Variants in SLC5A3 observed in about 807,000 individuals in gnomAD.
The protein encoded by SLC5A3 is sodium/myo-inositol cotransporter.
Under a neutral mutation model 43.2 loss-of-function variants are expected in SLC5A3, and 10 were observed. That is an observed-to-expected ratio of 0.23 (90% CI 0.14 to 0.39). The LOEUF is 0.39. Among genes scored for constraint, SLC5A3 ranks in the 10% least tolerant of loss-of-function variants. The probability of loss-of-function intolerance (pLI) is 1.00; values close to 1 mark genes in which losing one functional copy is unlikely to be tolerated. For missense variants in SLC5A3, 608 were observed against 893.4 expected (o/e 0.68, Z 4.07); for synonymous variants, 349 against 322.0 (o/e 1.08, Z -0.90).
chr21:34,084,193 A>G (rs1182806885), intron 1 of SLC5A3, among the ~76,000 whole-genome samples: 1 of 152,220 alleles, frequency 6.6e-6, no homozygotes, highest in Non-Finnish European at 1.5e-5. Flanking sequence ...TTCCAACTGA[A>G]AAGTATCTTT....
Position 34,097,819 on chromosome 21 carries a change from A to G in SLC5A3, c.*464A>G, listed in dbSNP as rs1219671638. ...TTAGACATTGTACAATCAGTTATGT[A>G]CTGAAAATCGAATGTGCTTGTGTGA... On this transcript the variant is annotated 3_prime_UTR_variant, in exon 2 of 2. Coordinates refer to ENST00000381151, the MANE Select transcript of SLC5A3 (RefSeq NM_006933.7). 7 of 999,016 alleles carry G rather than the reference A, an allele frequency of 7.0e-6. No homozygotes were observed. The highest frequency in any genetic ancestry group is 8.4e-6 in the Non-Finnish European group (7 of 828,764). 61.9% of individuals were successfully genotyped at this position (999,016 alleles called of 1,614,324 possible). A position where few individuals can be genotyped will look rare whatever the true frequency, so the allele number is the denominator to read the frequency against.
Position 34,102,508 on chromosome 21 carries a change from CA to C in SLC5A3, c.*5158del. On this transcript the variant is annotated 3_prime_UTR_variant, in exon 2 of 2. Transcript: ENST00000381151. ...ATATAGTCTTTCACTCAGAAATAAA[CA>C]AAAACTGTTTGGTATATCTGTATCA... 1.0e-6 allele frequency: 1 copy of C among 1,000,112 alleles called. No homozygotes were observed. Among genetic ancestry groups the C allele is most frequent in the Non-Finnish European group, 1.2e-6 (1 of 829,864 alleles). The allele number at this position is 1,000,112 out of a possible 1,614,324, so 62.0% of individuals were successfully genotyped here.
In SLC5A3 at chr21:34,105,237, A is replaced by G. The variant is rs960970776; in HGVS notation, c.*7882A>G. On this transcript the variant is annotated 3_prime_UTR_variant, in exon 2 of 2. Transcript: ENST00000381151. ...GGATTTACCCGTTCTTTGCTTGGAC[A>G]TCCCATTTTCTTTTGTCCAGACCCA... is the stretch of plus-strand genomic sequence containing the variant. 8.0e-6 allele frequency: 8 copies of G among 1,000,258 alleles called. No homozygotes were observed. The highest frequency in any genetic ancestry group is 9.6e-6 in the Non-Finnish European group (8 of 829,974). The allele number at this position is 1,000,258 out of a possible 1,614,324, so 62.0% of individuals were successfully genotyped here. A position where few individuals can be genotyped will look rare whatever the true frequency, so the allele number is the denominator to read the frequency against.
At chr21:34,081,190 C>T (rs1012982191) in intron 1 of SLC5A3, among the ~76,000 whole-genome samples, 6 of 152,054 alleles carry the variant, frequency 3.9e-5, no homozygotes, top group African/African-American at 1.2e-4. Context: ...AAACTTTCCA[C>T]TTTAATGAAG....
At position 34,100,872 on chromosome 21, in the gene SLC5A3, A is replaced by AGCTACTCAGTTACTT. The variant is rs1273629708; in HGVS notation, c.*3526_*3540dup. ...TTACCACCAAATAAAGCGGCTTATT[A>AGCTACTCAGTTACTT]GCTACTCAGTTACTTGCTACTCAAA... is the stretch of plus-strand genomic sequence containing the variant. On this transcript the variant is annotated 3_prime_UTR_variant, in exon 2 of 2. Transcript: ENST00000381151. The AGCTACTCAGTTACTT allele has an allele frequency of 1.0e-6, 1 of 1,000,020 alleles. No homozygotes were observed. The highest frequency in any genetic ancestry group is 1.2e-6 in the Non-Finnish European group (1 of 829,930). The allele number at this position is 1,000,020 out of a possible 1,614,324, so 61.9% of individuals were successfully genotyped here. A position where few individuals can be genotyped will look rare whatever the true frequency, so the allele number is the denominator to read the frequency against.
Position 34,100,972 on chromosome 21 carries a change from T to C in SLC5A3, c.*3617T>C. 1.0e-6 allele frequency: 1 copy of C among 1,000,046 alleles called. No individual in the cohort carries two copies. The highest frequency in any genetic ancestry group is 1.2e-6 in the Non-Finnish European group (1 of 829,816). The allele number at this position is 1,000,046 out of a possible 1,614,324, so 61.9% of individuals were successfully genotyped here. A position where few individuals can be genotyped will look rare whatever the true frequency, so the allele number is the denominator to read the frequency against. ...AACTTATGATGATTCTCCTGGCTCATTTTCATCAGAGGCATGATGACTGGA... is the reference window on the plus strand; with the variant it reads ...AACTTATGATGATTCTCCTGGCTCACTTTCATCAGAGGCATGATGACTGGA... On this transcript the variant is annotated 3_prime_UTR_variant, in exon 2 of 2. Coordinates refer to ENST00000381151, the MANE Select transcript of SLC5A3 (RefSeq NM_006933.7).
intron 1 of SLC5A3, among the ~76,000 whole-genome samples, chr21:34,078,668 A>G (rs1310515476): frequency 6.6e-6 from 1 of 152,188 alleles, no homozygotes; most frequent in African/African-American, 2.4e-5. Context: ...TTTTTCATCT[A>G]GTGCCTTTGC....
In SLC5A3 at chr21:34,097,541, C is replaced by G. The variant is rs1979023436; in HGVS notation, c.*186C>G. 7.2e-7 allele frequency: 1 copy of G among 1,381,302 alleles called. No homozygotes were observed. Among genetic ancestry groups the G allele is most frequent in the African/African-American group, 1.5e-5 (1 of 67,928 alleles). The allele number at this position is 1,381,302 out of a possible 1,614,324, so 85.6% of individuals were successfully genotyped here. ...GAGATGGATTAAAGTAAATCTTCAACTTAAGTGAAGCCAAACCTAACAGAC... is the reference window on the plus strand; with the variant it reads ...GAGATGGATTAAAGTAAATCTTCAAGTTAAGTGAAGCCAAACCTAACAGAC... On this transcript the variant is annotated 3_prime_UTR_variant, in exon 2 of 2. Coordinates refer to ENST00000381151, the MANE Select transcript of SLC5A3 (RefSeq NM_006933.7).
At chr21:34,079,475 G>A (rs1174980432) in intron 1 of SLC5A3, among the ~76,000 whole-genome samples, 1 of 151,742 alleles carries the variant, frequency 6.6e-6, no homozygotes, top group Non-Finnish European at 1.5e-5. Flanking sequence ...TTGCTGTGTT[G>A]CCTAGGCTGG....
rs1602931930 is a variant in SLC5A3 at position 34,097,720 on chromosome 21, TAGA to T, written c.*369_*371del. The stretch of plus-strand genomic sequence containing the variant: ...AGTCTTGGCAGACCTTACCCTGAAG[TAGA>T]AGATTTGCTCATTTCTAAATTTTTT... On this transcript the variant is annotated 3_prime_UTR_variant, in exon 2 of 2. Coordinates refer to ENST00000381151, the MANE Select transcript of SLC5A3 (RefSeq NM_006933.7). 9.9e-7 allele frequency: 1 copy of T among 1,009,906 alleles called. No homozygotes were observed. Among genetic ancestry groups the T allele is most frequent in the East Asian group, 1.1e-4 (1 of 9,204 alleles). The allele number at this position is 1,009,906 out of a possible 1,614,324, so 62.6% of individuals were successfully genotyped here.
chr21:34,100,109 A>G lies in SLC5A3; in HGVS notation c.*2754A>G. 3.0e-6 allele frequency: 3 copies of G among 999,022 alleles called. No individual in the cohort carries two copies. 61.9% of individuals were successfully genotyped at this position (999,022 alleles called of 1,614,324 possible). A position where few individuals can be genotyped will look rare whatever the true frequency, so the allele number is the denominator to read the frequency against. On this transcript the variant is annotated 3_prime_UTR_variant, in exon 2 of 2. Transcript: ENST00000381151. ...TTTATATTAGCTCAAGCTAAGGTTC[A>G]GAATTGAAGCTTGATATTGACTAGA...
rs565904157 is a variant in SLC5A3, at chr21:34,104,260, C to G, written c.*6905C>G. The G allele has an allele frequency of 5.0e-6, 5 of 1,000,090 alleles. No individual in the cohort carries two copies. In the South Asian group the frequency reaches 1.9e-4, roughly 38 times the overall value. The allele number at this position is 1,000,090 out of a possible 1,614,324, so 62.0% of individuals were successfully genotyped here. A position where few individuals can be genotyped will look rare whatever the true frequency, so the allele number is the denominator to read the frequency against. Reference sequence around the variant, plus strand: ...TTTTCACAATGGGGTGGAGAGGATTCTTTCACTTGTCCCATTAACCCTCTT... The same window carrying G: ...TTTTCACAATGGGGTGGAGAGGATTGTTTCACTTGTCCCATTAACCCTCTT... On this transcript the variant is annotated 3_prime_UTR_variant, in exon 2 of 2. Coordinates refer to ENST00000381151, the MANE Select transcript of SLC5A3 (RefSeq NM_006933.7).
At position 34,102,795 on chromosome 21, in the gene SLC5A3, T is replaced by C; in HGVS notation, c.*5440T>C. ...ACCACTGAAAAGCACTATAACATAATTGTTGTCCATGATACTGAAGCTTTT... is the reference window on the plus strand; with the variant it reads ...ACCACTGAAAAGCACTATAACATAACTGTTGTCCATGATACTGAAGCTTTT... On this transcript the variant is annotated 3_prime_UTR_variant, in exon 2 of 2. Coordinates refer to ENST00000381151, the MANE Select transcript of SLC5A3 (RefSeq NM_006933.7). The C allele has an allele frequency of 4.0e-6, 4 of 1,000,064 alleles. No individual in the cohort carries two copies. Among genetic ancestry groups the C allele is most frequent in the Middle Eastern group, 1.0e-3 (2 of 1,916 alleles). The allele number at this position is 1,000,064 out of a possible 1,614,324, so 61.9% of individuals were successfully genotyped here.
In SLC5A3 at chr21:34,098,934, C is replaced by T. The variant is rs1306119917; in HGVS notation, c.*1579C>T. 6.1e-6 allele frequency: 6 copies of T among 985,802 alleles called. No homozygotes were observed. The South Asian group carries it at 2.4e-4, about 39-fold the overall frequency. The allele number at this position is 985,802 out of a possible 1,614,324, so 61.1% of individuals were successfully genotyped here. ...TTTTAGATTGCATGATTTTACTAGG[C>T]TTGTATTTAGGGAAATTACTTTCAT... On this transcript the variant is annotated 3_prime_UTR_variant, in exon 2 of 2. Coordinates refer to ENST00000381151, the MANE Select transcript of SLC5A3 (RefSeq NM_006933.7).
At chr21:34,093,409 A>G (rs1434589056) in intron 1 of SLC5A3, among the ~76,000 whole-genome samples, 1 of 152,210 alleles carries the variant, frequency 6.6e-6, no homozygotes, top group Non-Finnish European at 1.5e-5. Context: ...TTTTTTCTGC[A>G]TTAGACCTAA....
chr21:34,091,540 A>T (rs905714442), intron 1 of SLC5A3, among the ~76,000 whole-genome samples: 2 of 152,114 alleles, frequency 1.3e-5, no homozygotes, highest in African/African-American at 4.8e-5. Flanking sequence ...TGCTTATTTA[A>T]ATTTGGTCTT....
intron 1 of SLC5A3, among the ~76,000 whole-genome samples, chr21:34,092,855 G>C (rs560683773): frequency 3.9e-5 from 6 of 152,184 alleles, no homozygotes; most frequent in Non-Finnish European, 5.9e-5. Flanking sequence ...CCATTGGGAA[G>C]AGTGATACCT....
intron 1 of SLC5A3, among the ~76,000 whole-genome samples, chr21:34,077,557 C>T (rs1348208704): frequency 6.6e-6 from 1 of 151,980 alleles, no homozygotes; most frequent in Non-Finnish European, 1.5e-5. Flanking sequence ...ATTGCATGTA[C>T]AATAAGATAG....
rs2148662922 is a variant in SLC5A3, at chr21:34,105,086, T to A, written c.*7731T>A. 1 of 1,000,124 alleles carries A rather than the reference T, an allele frequency of 1.0e-6. No individual in the cohort carries two copies. Among genetic ancestry groups the A allele is most frequent in the African/African-American group, 1.7e-5 (1 of 57,356 alleles). 62.0% of individuals were successfully genotyped at this position (1,000,124 alleles called of 1,614,324 possible). A position where few individuals can be genotyped will look rare whatever the true frequency, so the allele number is the denominator to read the frequency against. On this transcript the variant is annotated 3_prime_UTR_variant, in exon 2 of 2. Transcript: ENST00000381151. Reference sequence around the variant, plus strand: ...TGTGGGGTTATTAAAATGCAAAAGCTTTATTTTTTTTAATAATGCCATACT... The same window carrying A: ...TGTGGGGTTATTAAAATGCAAAAGCATTATTTTTTTTAATAATGCCATACT...
Sources: allele counts gnomAD v4.1 joint callset (sites outside exome capture counted in the v4.1 genomes callset), GRCh38; gene constraint gnomAD v4.1.1; transcripts MANE v1.5; gene names NCBI Gene and HGNC (gene_info 2026-07-23, HGNC 2026-07-21).